NOTCH2: variants seen among roughly 807,000 people sequenced by gnomAD.
NOTCH2 encodes the protein neurogenic locus notch homolog protein 2.
In NOTCH2, 29 loss-of-function variants were observed where a neutral mutation model predicts 235.8. The ratio of observed to expected loss-of-function variants is 0.12; its 90% CI spans 0.09 to 0.17. The LOEUF is 0.17. NOTCH2 is among the 10% of genes least tolerant of loss of function. NOTCH2 has a pLI of 1.00. For synonymous variants in NOTCH2, 1,086 were observed against 1,141.5 expected (o/e 0.95, Z 0.98); for missense variants, 2,285 against 3,150.2 (o/e 0.73, Z 6.57).
At position 119,923,792 on chromosome 1, in the gene NOTCH2, T is replaced by C. The variant is rs1202557772; in HGVS notation, c.4704A>G (p.Ala1568=). Residue 1568 remains alanine (A), a synonymous_variant, in exon 26 of 34, where the codon GCA becomes GCG. Coordinates refer to ENST00000256646, the MANE Select transcript of NOTCH2 (RefSeq NM_024408.4). ...LLQDARSFLR[A]LGTLLHTNLR... is the part of the protein sequence containing the mutation. ...GGTTGGTGTGGAGCAGGGTACCCAG[T>C]GCCCGCAAGAAGCTGCGAGCATCCT... 3 of 1,614,176 alleles carry C rather than the reference T, an allele frequency of 1.9e-6. No homozygotes were observed. The highest frequency in any genetic ancestry group is 1.3e-5 in the African/African-American group (1 of 75,038).
intron 3 of NOTCH2, among the ~76,000 whole-genome samples, chr1:119,997,991 A>T (rs1440793142): frequency 6.6e-6 from 1 of 150,642 alleles, no homozygotes; most frequent in African/African-American, 2.5e-5. Flanking sequence ...AAAAAAAAAA[A>T]ATCAACTTCC....
intron 19 of NOTCH2, among the ~76,000 whole-genome samples, chr1:119,938,283 A>G (rs1649935139): frequency 6.6e-6 from 1 of 152,176 alleles, no homozygotes. Context: ...CAATTTTACC[A>G]CAGTCTAATT....
Position 119,912,571 on chromosome 1 carries a change from G to A in NOTCH2, c.*2735C>T. 4.3e-6 allele frequency: 1 copy of A among 232,860 alleles called. No individual in the cohort carries two copies. Among genetic ancestry groups the A allele is most frequent in the East Asian group, 6.1e-5 (1 of 16,510 alleles). The allele number at this position is 232,860 out of a possible 1,614,324, so 14.4% of individuals were successfully genotyped here. ...AAATGATGCTTAAAACAAAACAGAG[G>A]AAGCAAATAAACAAACAAAAAAACC... On this transcript the variant is annotated 3_prime_UTR_variant, in exon 34 of 34. Coordinates refer to ENST00000256646, the MANE Select transcript of NOTCH2 (RefSeq NM_024408.4).
chr1:119,977,340 G>C (rs937009870), intron 5 of NOTCH2, among the ~76,000 whole-genome samples: 3 of 152,004 alleles, frequency 2.0e-5, no homozygotes, highest in African/African-American at 7.2e-5. Context: ...TCCCCTTCCT[G>C]TGTCACTGAA....
intron 2 of NOTCH2, among the ~76,000 whole-genome samples, chr1:120,010,952 TTC>T (rs1350022248): frequency 6.6e-6 from 1 of 152,166 alleles, no homozygotes; most frequent in African/African-American, 2.4e-5. Flanking sequence ...AGGAATGACA[TTC>T]TGATACATGC....
intron 5 of NOTCH2, among the ~76,000 whole-genome samples, chr1:119,984,676 G>A (rs1411874877): frequency 1.3e-5 from 2 of 152,174 alleles, no homozygotes; most frequent in South Asian, 2.1e-4. Context: ...ATGGTAAATA[G>A]CTCAGCTACA....
At chr1:119,999,901 GAAA>G in intron 3 of NOTCH2, among the ~76,000 whole-genome samples, 1 of 142,580 alleles carries the variant, frequency 7.0e-6, no homozygotes, top group African/African-American at 2.7e-5. Flanking sequence ...GAAAGAGAGA[GAAA>G]GAGAGAAAGA....
chr1:119,949,501 C>G (rs1353578092), intron 15 of NOTCH2, among the ~76,000 whole-genome samples: 1 of 151,702 alleles, frequency 6.6e-6, no homozygotes, highest in Non-Finnish European at 1.5e-5. Flanking sequence ...ATTCTCCTGC[C>G]TCCGCCTCCC....
In NOTCH2 at chr1:119,997,348, C is replaced by A. The variant is rs782645604; in HGVS notation, c.416-16G>T. 6.2e-6 allele frequency: 10 copies of A among 1,613,516 alleles called. 1 individual carries two copies. In the South Asian group the frequency reaches 1.1e-4, roughly 18 times the overall value. ...CACTCCTTACCTAAAGGAAGGATAA[C>A]AAAACTCAGTACTGGCCACAGAAAT... On this transcript the variant is annotated splice_polypyrimidine_tract_variant and intron_variant, in intron 3 of 33. Coordinates refer to ENST00000256646, the MANE Select transcript of NOTCH2 (RefSeq NM_024408.4).
rs745948430 is a variant in NOTCH2, at chr1:119,916,012, C to A, written c.6710G>T (p.Ser2237Ile). 1.2e-6 allele frequency: 2 copies of A among 1,613,830 alleles called. No homozygotes were observed. Among genetic ancestry groups the A allele is most frequent in the Admixed American group, 3.3e-5 (2 of 60,032 alleles). Residue 2237 changes from serine to isoleucine, a missense_variant, in exon 34 of 34, where the codon AGT becomes ATT. By Grantham distance (142) the Ser-to-Ile change is moderately radical. Around this residue, in one of 6 missense-constraint regions of NOTCH2, gnomAD observed 504 missense variants for 538.0 expected, o/e 0.94. Transcript: ENST00000256646. ...ATGGAGCCTACTCAAGCTTCCAGCA[C>A]TGCCACTGCCTGGAGACACAATGTG... ...HHHIVSPGSG[S>I]AGSLSRLHPV...
rs1405315069 is a variant in NOTCH2, at chr1:119,914,724, AG to A, written c.*581del. 6.0e-5 allele frequency: 15 copies of A among 250,548 alleles called. No individual in the cohort carries two copies. The highest frequency in any genetic ancestry group is 3.1e-4 in the African/African-American group (14 of 45,616). The allele number at this position is 250,548 out of a possible 1,614,324, so 15.5% of individuals were successfully genotyped here. A position where few individuals can be genotyped will look rare whatever the true frequency, so the allele number is the denominator to read the frequency against. On this transcript the variant is annotated 3_prime_UTR_variant, in exon 34 of 34. Coordinates refer to ENST00000256646, the MANE Select transcript of NOTCH2 (RefSeq NM_024408.4). ...CTCCAAGGGATACCGGGAAGACAGG[AG>A]GGGAAAGGAGACCAAAGTTGCTTTC...
At chr1:119,994,083 AT>A (rs1652329229) in intron 4 of NOTCH2, 2 of 48,330 alleles carry the variant, frequency 4.1e-5, no homozygotes, top group Non-Finnish European at 8.4e-5. Flanking sequence ...TTGTTTCCCC[AT>A]TTTTAGAACT....
intron 1 of NOTCH2, among the ~76,000 whole-genome samples, chr1:120,065,379 A>G (rs1655467370): frequency 6.6e-6 from 1 of 152,216 alleles, no homozygotes; most frequent in Non-Finnish European, 1.5e-5. Flanking sequence ...GCATTAGAAT[A>G]AACACATAAA....
At chr1:120,067,990 A>G (rs2101445260) in intron 1 of NOTCH2, among the ~76,000 whole-genome samples, 1 of 141,314 alleles carries the variant, frequency 7.1e-6, no homozygotes, top group South Asian at 2.5e-4. Flanking sequence ...ATTTTTCTGA[A>G]GCTCATCATC....
chr1:119,949,189 T>C (rs1333561205), intron 15 of NOTCH2, 63 bp from the exon 16 acceptor site: 3 of 1,568,474 alleles, frequency 1.9e-6, no homozygotes, highest in East Asian at 2.2e-5. Context: ...ATTTTCCTTA[T>C]CCCAAGGATG....
At chr1:119,974,821 G>A (rs1052085384) in intron 5 of NOTCH2, among the ~76,000 whole-genome samples, 4 of 152,152 alleles carry the variant, frequency 2.6e-5, no homozygotes, top group South Asian at 4.2e-4. Context: ...AATGTATCAC[G>A]AGCTGTGATT....
Position 119,912,772 on chromosome 1 carries a change from T to G in NOTCH2, c.*2534A>C. The G allele has an allele frequency of 4.3e-6, 1 of 233,638 alleles. No homozygotes were observed. The highest frequency in any genetic ancestry group is 8.5e-6 in the Non-Finnish European group (1 of 118,020). The allele number at this position is 233,638 out of a possible 1,614,324, so 14.5% of individuals were successfully genotyped here. A position where few individuals can be genotyped will look rare whatever the true frequency, so the allele number is the denominator to read the frequency against. On this transcript the variant is annotated 3_prime_UTR_variant, in exon 34 of 34. Coordinates refer to ENST00000256646, the MANE Select transcript of NOTCH2 (RefSeq NM_024408.4). ...GTGATTATCCATCTTACCTTCCCTT[T>G]TATTAGATACCACACAATTCAAGAG... is the stretch of plus-strand genomic sequence containing the variant.
chr1:119,987,591 A>G (rs1005453188), intron 4 of NOTCH2, among the ~76,000 whole-genome samples: 8 of 152,178 alleles, frequency 5.3e-5, no homozygotes, highest in Admixed American at 2.6e-4. Context: ...GTATGAAGAT[A>G]TGGATCAAGT....
At chr1:120,057,157 AC>A (rs1382057477) in intron 1 of NOTCH2, among the ~76,000 whole-genome samples, 2 of 143,614 alleles carry the variant, frequency 1.4e-5, no homozygotes, top group Non-Finnish European at 2.9e-5. Context: ...GCCAGTCTGT[AC>A]TACAACATAA....
Sources: gnomAD v4.1 joint callset for allele counts (sites outside exome capture counted in the v4.1 genomes callset) on GRCh38, gnomAD v4.1.1 for gene constraint, gnomAD v4.1.1 regional missense constraint, MANE v1.5 for transcripts, NCBI Gene and HGNC (gene_info 2026-07-23, HGNC 2026-07-21) for gene names.